The following KLHL20 variants were observed in gnomAD, a reference collection of about 807,000 sequenced individuals.
KLHL20 encodes the protein kelch-like protein 20.
KLHL20 carries 29 observed loss-of-function variants against 69.5 expected under a neutral mutation model. The observed-to-expected ratio is 0.42, with a 90% CI of 0.31 to 0.57. The LOEUF (loss-of-function observed/expected upper bound fraction) is 0.57. KLHL20 is among the 20% of genes least tolerant of loss of function. The probability of loss-of-function intolerance (pLI) is 0.18; values close to 1 mark genes in which losing one functional copy is unlikely to be tolerated. For missense variants in KLHL20, 419 were observed against 776.0 expected (o/e 0.54, Z 5.47); for synonymous variants, 253 against 265.2 (o/e 0.95, Z 0.45).
rs374759366 is a variant in KLHL20 at position 173,731,461 on chromosome 1, C to T, written c.24-2252C>T. ...TATTCACAATAGCAAAGACTTGGAACCAACCCAAATGTCCAACAGTGATAG... is the reference window on the plus strand; with the variant it reads ...TATTCACAATAGCAAAGACTTGGAATCAACCCAAATGTCCAACAGTGATAG... On this transcript the variant is annotated intron_variant, in intron 2 of 11. Transcript: ENST00000209884. Among the ~76,000 whole-genome samples, 342 of 152,240 alleles carry T rather than the reference C, an allele frequency of 2.2e-3. 1 individual carries two copies. The highest frequency in any genetic ancestry group is 0.01 in the Middle Eastern group (3 of 294).
chr1:173,773,569 A>G lies in KLHL20; in HGVS notation c.1296-736A>G, dbSNP rs943425433. On this transcript the variant is annotated intron_variant, in intron 8 of 11. Coordinates refer to ENST00000209884, the MANE Select transcript of KLHL20 (RefSeq NM_014458.4). ...TCAAAGAACTATGCAAAAGACTTCT[A>G]CTTTCTAATAGGATGTAGTAGAGAG... 2.0e-5 allele frequency among the ~76,000 whole-genome samples: 3 copies of G among 152,248 alleles called. No individual in the cohort carries two copies. The South Asian group carries it at 6.2e-4, about 32-fold the overall frequency.
intron 3 of KLHL20, among the ~76,000 whole-genome samples, chr1:173,747,153 T>C (rs1266410708): frequency 6.6e-6 from 1 of 151,992 alleles, no homozygotes; most frequent in Non-Finnish European, 1.5e-5. Flanking sequence ...TTGAGAAAAA[T>C]GTGTATTTTC....
intron 2 of KLHL20, among the ~76,000 whole-genome samples, chr1:173,727,067 T>A (rs1005399906): frequency 6.6e-6 from 1 of 152,092 alleles, no homozygotes; most frequent in Admixed American, 6.6e-5. Flanking sequence ...CTGATGGAGC[T>A]GAAAACCACC....
chr1:173,733,927 T>C lies in KLHL20; in HGVS notation c.238T>C (p.Tyr80His), dbSNP rs1416546089. Reference protein sequence around the residue: ...VVLVVGAKKIYAHRVILSACS... With the variant: ...VVLVVGAKKIHAHRVILSACS... Reference sequence around the variant, plus strand: ...GCTAGTTGTGGGCGCCAAGAAGATATATGCCCATCGAGTCATTTTGTCAGC... The same window carrying C: ...GCTAGTTGTGGGCGCCAAGAAGATACATGCCCATCGAGTCATTTTGTCAGC... Residue 80 changes from tyrosine to histidine, a missense_variant, in exon 3 of 12, where the codon TAT becomes CAT. Around this residue, in one of 6 missense-constraint regions of KLHL20, gnomAD observed 129 missense variants for 183.6 expected, o/e 0.70. Coordinates refer to ENST00000209884, the MANE Select transcript of KLHL20 (RefSeq NM_014458.4). 3 of 1,614,190 alleles carry C rather than the reference T, an allele frequency of 1.9e-6. No homozygotes were observed. Among genetic ancestry groups the C allele is most frequent in the South Asian group, 1.1e-5 (1 of 91,092 alleles).
intron 3 of KLHL20, 172 bp downstream of exon 3, chr1:173,734,458 G>A (rs1312671504): frequency 1.2e-5 from 8 of 641,504 alleles, no homozygotes; most frequent in Middle Eastern, 5.3e-4. Flanking sequence ...GCAATTTTGT[G>A]TTCTACCAGC....
chr1:173,719,631 A>G (rs1257221676), intron 2 of KLHL20, among the ~76,000 whole-genome samples: 2 of 152,092 alleles, frequency 1.3e-5, no homozygotes, highest in African/African-American at 4.8e-5. Flanking sequence ...AAAAAAAAAG[A>G]ATAAATTCTT....
intron 10 of KLHL20, among the ~76,000 whole-genome samples, chr1:173,780,893 CTGTT>C (rs1481286500): frequency 6.6e-6 from 1 of 151,608 alleles, no homozygotes. Flanking sequence ...CCATGCCCAG[CTGTT>C]TTTTTGTATT....
At chr1:173,722,798 T>G (rs945453840) in intron 2 of KLHL20, among the ~76,000 whole-genome samples, 3 of 151,474 alleles carry the variant, frequency 2.0e-5, no homozygotes, top group Non-Finnish European at 2.9e-5. Context: ...CAAGCAATTC[T>G]CCTGCCTCAG....
chr1:173,734,548 A>G (rs1020449309), intron 3 of KLHL20: 31 of 416,526 alleles, frequency 7.4e-5, no homozygotes, highest in Non-Finnish European at 2.2e-5. Flanking sequence ...AGGTTTATTT[A>G]TAAGCCAAAA....
At chr1:173,742,121 A>G (rs904191403) in intron 3 of KLHL20, among the ~76,000 whole-genome samples, 2 of 152,214 alleles carry the variant, frequency 1.3e-5, no homozygotes, top group Admixed American at 6.5e-5. Flanking sequence ...CCCCTTAAAC[A>G]TATGAAATAT....
chr1:173,740,429 C>CTGGGTT (rs1204356155), intron 3 of KLHL20, among the ~76,000 whole-genome samples: 1 of 151,888 alleles, frequency 6.6e-6, no homozygotes, highest in Non-Finnish European at 1.5e-5. Context: ...TTTTCTTCTG[C>CTGGGTT]TGGGTTTGGG....
intron 3 of KLHL20, among the ~76,000 whole-genome samples, chr1:173,747,468 C>T (rs555071542): frequency 1.3e-5 from 2 of 152,074 alleles, no homozygotes; most frequent in South Asian, 2.1e-4. Flanking sequence ...GATTTCAACT[C>T]GTTTTCTTAT....
chr1:173,760,014 A>C (rs1673727889), intron 7 of KLHL20, among the ~76,000 whole-genome samples: 1 of 152,200 alleles, frequency 6.6e-6, no homozygotes, highest in South Asian at 2.1e-4. Context: ...GAAAATAGAT[A>C]GCTTAATGAA....
chr1:173,748,763 A>C (rs1455552406), intron 3 of KLHL20, among the ~76,000 whole-genome samples: 1 of 152,080 alleles, frequency 6.6e-6, no homozygotes, highest in African/African-American at 2.4e-5. Flanking sequence ...AAAATCAGAA[A>C]AAAAAAAGAA....
chr1:173,733,178 C>A (rs1672366774), intron 2 of KLHL20, among the ~76,000 whole-genome samples: 2 of 151,956 alleles, frequency 1.3e-5, no homozygotes, highest in South Asian at 4.2e-4. Flanking sequence ...TGCCACCACA[C>A]ACGGCTAATT....
rs1648411404 is a variant in KLHL20 at position 173,775,659 on chromosome 1, C to A, written c.1455C>A (p.Asn485Lys). 2 of 1,614,016 alleles carry A rather than the reference C, an allele frequency of 1.2e-6. No homozygotes were observed. The highest frequency in any genetic ancestry group is 1.7e-6 in the Non-Finnish European group (2 of 1,180,010). Residue 485 changes from asparagine (N) to lysine (K), a missense_variant, in exon 10 of 12, where the codon AAC becomes AAA. Transcript: ENST00000209884. ...TGGAACGTTACAATCCTCAGGAAAA[C>A]AGATGGCACACTATAGCCCCTATGG... is the stretch of plus-strand genomic sequence containing the variant. ...NTVERYNPQE[N>K]RWHTIAPMGT...
At chr1:173,733,628 A>G in intron 2 of KLHL20, 85 bp from the exon 3 acceptor site, 1 of 1,146,010 alleles carries the variant, frequency 8.7e-7, no homozygotes, top group African/African-American at 1.6e-5. Flanking sequence ...ACATTTCCTT[A>G]TCGCTTGAAT....
chr1:173,771,548 G>C (rs772151452), intron 8 of KLHL20, among the ~76,000 whole-genome samples: 5 of 152,148 alleles, frequency 3.3e-5, no homozygotes, highest in Non-Finnish European at 7.4e-5. Flanking sequence ...TTGAGGCCAG[G>C]AGTTTGAGAC....
At chr1:173,732,507 GT>G in intron 2 of KLHL20, among the ~76,000 whole-genome samples, 1 of 152,138 alleles carries the variant, frequency 6.6e-6, no homozygotes, top group African/African-American at 2.4e-5. Flanking sequence ...GCAGTGATGC[GT>G]ATCTATACAA....
Sources: allele counts gnomAD v4.1 joint callset (sites outside exome capture counted in the v4.1 genomes callset), GRCh38; gene constraint gnomAD v4.1.1; regional missense constraint gnomAD v4.1.1; transcripts MANE v1.5; gene names NCBI Gene and HGNC (gene_info 2026-07-23, HGNC 2026-07-21).